Variants in RASL11B observed in about 807,000 individuals in gnomAD.
RASL11B encodes ras-like protein family member 11B.
Under a neutral mutation model 22.9 loss-of-function variants are expected in RASL11B, and 14 were observed. The ratio of observed to expected loss-of-function variants is 0.61; its 90% CI spans 0.40 to 0.96. The LOEUF (loss-of-function observed/expected upper bound fraction) is 0.96, where lower values mean the gene tolerates loss of function less well. RASL11B is among the 40% of genes least tolerant of loss of function. The probability of loss-of-function intolerance (pLI) is 0.00; values close to 1 mark genes in which losing one functional copy is unlikely to be tolerated. For synonymous variants in RASL11B, 143 were observed against 130.2 expected (o/e 1.10, Z -0.67); for missense variants, 261 against 322.0 (o/e 0.81, Z 1.45).
chr4:52,862,615 C>A lies in RASL11B; in HGVS notation c.108C>A (p.Ile36=), dbSNP rs754475921. The A allele has an allele frequency of 6.9e-5, 110 of 1,591,356 alleles. No individual in the cohort carries two copies. Among genetic ancestry groups the A allele is most frequent in the Non-Finnish European group, 8.7e-5 (102 of 1,174,262 alleles). ...VGAAGRRLVK[I]AVVGASGVGK... is the part of the protein sequence containing the mutation. The stretch of plus-strand genomic sequence containing the variant: ...CCGCCGGCCGCCGCCTGGTCAAGAT[C>A]GCCGTGGTGGGCGCCAGCGGCGTGG... The change falls in exon 1 of 4, where the codon ATC becomes ATA. Residue 36 remains isoleucine, a synonymous_variant. Coordinates refer to ENST00000248706, the MANE Select transcript of RASL11B (RefSeq NM_023940.3).
intron 2 of RASL11B, 72 bp from the exon 3 acceptor site, chr4:52,864,406 A>G (rs1378679416): frequency 1.0e-6 from 1 of 955,598 alleles, no homozygotes; most frequent in African/African-American, 1.6e-5. Context: ...TTTTTTTTCT[A>G]GCTTAAAACT....
Position 52,866,000 on chromosome 4 carries a change from GA to G in RASL11B, c.*198del, listed in dbSNP as rs1718252807. On this transcript the variant is annotated 3_prime_UTR_variant, in exon 4 of 4. Coordinates refer to ENST00000248706, the MANE Select transcript of RASL11B (RefSeq NM_023940.3). ...CAGGGGGACAGGATTGATGAGGCTTGAAAGAGCCCACTGAGCCACTCTCTGA... is the reference window on the plus strand; with the variant it reads ...CAGGGGGACAGGATTGATGAGGCTTGAAGAGCCCACTGAGCCACTCTCTGA... The G allele has an allele frequency of 1.7e-6, 1 of 593,036 alleles. No individual in the cohort carries two copies. Among genetic ancestry groups the G allele is most frequent in the African/African-American group, 1.9e-5 (1 of 53,764 alleles). The allele number at this position is 593,036 out of a possible 1,614,324, so 36.7% of individuals were successfully genotyped here.
At chr4:52,864,920 T>G (rs1718229339) in intron 3 of RASL11B, among the ~76,000 whole-genome samples, 1 of 152,226 alleles carries the variant, frequency 6.6e-6, no homozygotes, top group Non-Finnish European at 1.5e-5. Flanking sequence ...TGGAATCGCT[T>G]TTGTACTGGA....
In RASL11B at chr4:52,866,556, A is replaced by G. The variant is rs559598653; in HGVS notation, c.*751A>G. ...CTTCAACCCCAGACTTTGACTGTAT[A>G]GTTTTTTGTTTTTTTAACTGTTCCA... On this transcript the variant is annotated 3_prime_UTR_variant, in exon 4 of 4. Coordinates refer to ENST00000248706, the MANE Select transcript of RASL11B (RefSeq NM_023940.3). 1 of 152,574 alleles carries G rather than the reference A, an allele frequency of 6.6e-6. No individual in the cohort carries two copies. Among genetic ancestry groups the G allele is most frequent in the South Asian group, 2.1e-4 (1 of 4,822 alleles). 9.5% of individuals were successfully genotyped at this position (152,574 alleles called of 1,614,324 possible). A position where few individuals can be genotyped will look rare whatever the true frequency, so the allele number is the denominator to read the frequency against.
chr4:52,864,419 C>CA (rs1251594493), intron 2 of RASL11B, 59 bp from the exon 3 acceptor site: 2 of 1,093,182 alleles, frequency 1.8e-6, no homozygotes, highest in East Asian at 2.4e-5. Context: ...TTAAAACTCA[C>CA]AATGTTTTAA....
At chr4:52,863,580 G>T in intron 2 of RASL11B, 1 of 479,118 alleles carries the variant, frequency 2.1e-6, no homozygotes, top group Non-Finnish European at 3.8e-6. Flanking sequence ...TAACTATAGT[G>T]ACCCCAGTTG....
chr4:52,862,362 C>A lies in RASL11B; in HGVS notation c.-146C>A, dbSNP rs981058243. The A allele has an allele frequency of 3.0e-6, 2 of 667,674 alleles. No homozygotes were observed. Among genetic ancestry groups the A allele is most frequent in the Admixed American group, 7.6e-5 (2 of 26,270 alleles). The allele number at this position is 667,674 out of a possible 1,614,324, so 41.4% of individuals were successfully genotyped here. A position where few individuals can be genotyped will look rare whatever the true frequency, so the allele number is the denominator to read the frequency against. Reference sequence around the variant, plus strand: ...GCCCTGCGGAACCTCGGCGCTCGGCCCCACCCCGCCCGTACCTGCACTTAT... The same window carrying A: ...GCCCTGCGGAACCTCGGCGCTCGGCACCACCCCGCCCGTACCTGCACTTAT... On this transcript the variant is annotated 5_prime_UTR_variant, in exon 1 of 4. Transcript: ENST00000248706.
Position 52,864,519 on chromosome 4 carries a change from C to T in RASL11B, c.241C>T (p.Leu81=), listed in dbSNP as rs1374836391. Residue 81 remains leucine, a synonymous_variant, in exon 3 of 4, where the codon CTG becomes TTG. Transcript: ENST00000248706. The stretch of plus-strand genomic sequence containing the variant: ...ACAAGTTCAGATAGAAGGTGAAACC[C>T]TGGCTCTTCAGGTTCAAGACACTCC... ...TRQVQIEGET[L]ALQVQDTPGI... is the part of the protein sequence containing the mutation. 6.2e-7 allele frequency: 1 copy of T among 1,611,512 alleles called. No individual in the cohort carries two copies. Among genetic ancestry groups the T allele is most frequent in the Non-Finnish European group, 8.5e-7 (1 of 1,177,674 alleles).
At chr4:52,864,415 C>T (rs1418703901) in intron 2 of RASL11B, 63 bp from the exon 3 acceptor site, 2 of 1,063,584 alleles carry the variant, frequency 1.9e-6, no homozygotes, top group Admixed American at 3.6e-5. Flanking sequence ...TAGCTTAAAA[C>T]TCACAATGTT....
chr4:52,864,772 A>T (rs1416411073), intron 3 of RASL11B, among the ~76,000 whole-genome samples: 2 of 152,208 alleles, frequency 1.3e-5, no homozygotes, highest in African/African-American at 2.4e-5. Flanking sequence ...TTCCTTTAGA[A>T]GGATTCAACA....
chr4:52,863,450 T>C, intron 2 of RASL11B, 126 bp downstream of exon 2: 3 of 764,162 alleles, frequency 3.9e-6, no homozygotes, highest in Non-Finnish European at 6.7e-6. Flanking sequence ...CACTTAAAAC[T>C]TTCCCCAGTC....
rs1300236311 is a variant in RASL11B, at chr4:52,865,788, A to G, written c.730A>G (p.Thr244Ala). The part of the protein sequence containing the change: ...FKQALSAKVR[T>A]VTSV The stretch of plus-strand genomic sequence containing the variant: ...GCAAGCCCTCTCTGCCAAAGTGAGG[A>G]CTGTCACCTCCGTCTGAAGCAGGAG... The change falls in exon 4 of 4, where the codon ACT (threonine) becomes GCT (alanine). Residue 244 changes from threonine (T) to alanine (A), a missense_variant. Physicochemically the swap from Thr to Ala is moderately conservative, Grantham distance 58 (BLOSUM62 0). Coordinates refer to ENST00000248706, the MANE Select transcript of RASL11B (RefSeq NM_023940.3). 1 of 1,613,294 alleles carries G rather than the reference A, an allele frequency of 6.2e-7. No individual in the cohort carries two copies. The highest frequency in any genetic ancestry group is 1.3e-5 in the African/African-American group (1 of 74,890).
chr4:52,863,243 T>C (rs751136772), intron 1 of RASL11B, 25 bp from the exon 2 acceptor site: 3 of 1,608,882 alleles, frequency 1.9e-6, no homozygotes, highest in East Asian at 2.2e-5. Context: ...GTTAACACTT[T>C]GACGTTCTTT....
Position 52,866,355 on chromosome 4 carries a change from T to G in RASL11B, c.*550T>G, listed in dbSNP as rs1353909399. On this transcript the variant is annotated 3_prime_UTR_variant, in exon 4 of 4. Coordinates refer to ENST00000248706, the MANE Select transcript of RASL11B (RefSeq NM_023940.3). ...CTGAAGGATACCCAGATTTCTTTCTTTATGTACAAGATGGAAAATCCCCTA... is the reference window on the plus strand; with the variant it reads ...CTGAAGGATACCCAGATTTCTTTCTGTATGTACAAGATGGAAAATCCCCTA... 1 of 153,960 alleles carries G rather than the reference T, an allele frequency of 6.5e-6. No individual in the cohort carries two copies. The allele number at this position is 153,960 out of a possible 1,614,324, so 9.5% of individuals were successfully genotyped here. A position where few individuals can be genotyped will look rare whatever the true frequency, so the allele number is the denominator to read the frequency against.
chr4:52,865,820 T>C lies in RASL11B; in HGVS notation c.*15T>C, dbSNP rs1459197469. 11 of 1,598,798 alleles carry C rather than the reference T, an allele frequency of 6.9e-6. No individual in the cohort carries two copies. Among genetic ancestry groups the C allele is most frequent in the Admixed American group, 6.7e-5 (4 of 59,668 alleles). ...CCTCCGTCTGAAGCAGGAGGAGCAC[T>C]CAAGGGGGTTTGGTCTTCCCAGGAA... On this transcript the variant is annotated 3_prime_UTR_variant, in exon 4 of 4. Transcript: ENST00000248706.
rs1360919560 is a variant in RASL11B at position 52,864,551 on chromosome 4, TC to T, written c.274del (p.Gln92ArgfsTer7). 3 of 1,602,166 alleles carry T rather than the reference TC, an allele frequency of 1.9e-6. No individual in the cohort carries two copies. The highest frequency in any genetic ancestry group is 2.6e-6 in the Non-Finnish European group (3 of 1,169,066). On this transcript the variant is annotated frameshift_variant and splice_region_variant, in exon 3 of 4. Transcript: ENST00000248706. LOFTEE classifies it high-confidence loss of function. ...ALQVQDTPGIQVHENSLSCSE... is the reference protein window; with the variant it reads ...ALQVQDTPGIXVHENSLSCSE... ...TTCAGGTTCAAGACACTCCAGGTAT[TC>T]AGGTGAGAAGCTCTGAGACTCTGGG...
Position 52,866,821 on chromosome 4 carries a change from C to G in RASL11B, c.*1016C>G, listed in dbSNP as rs540967230. On this transcript the variant is annotated 3_prime_UTR_variant, in exon 4 of 4. Transcript: ENST00000248706. Reference sequence around the variant, plus strand: ...TTAATTTATTTTATGTACAATAAATCGCATTTGAAAAAGAGCAGATGTCTA... The same window carrying G: ...TTAATTTATTTTATGTACAATAAATGGCATTTGAAAAAGAGCAGATGTCTA... The G allele has an allele frequency of 5.2e-5, 8 of 152,612 alleles. No homozygotes were observed. Among genetic ancestry groups the G allele is most frequent in the Non-Finnish European group, 1.0e-4 (7 of 68,046 alleles). 9.5% of individuals were successfully genotyped at this position (152,612 alleles called of 1,614,324 possible).
Position 52,862,554 on chromosome 4 carries a change from C to T in RASL11B, c.47C>T (p.Pro16Leu). 1.2e-6 allele frequency: 2 copies of T among 1,605,408 alleles called. No individual in the cohort carries two copies. The highest frequency in any genetic ancestry group is 1.7e-6 in the Non-Finnish European group (2 of 1,177,352). The change falls in exon 1 of 4, where the codon CCG becomes CTG. Residue 16 changes from proline (P) to leucine (L), a missense_variant. Pro to Leu is a moderately conservative substitution (Grantham distance 98). Coordinates refer to ENST00000248706, the MANE Select transcript of RASL11B (RefSeq NM_023940.3). ...NMCTIAEYPA[P>L]GNAAASDCCV... ...TGCACCATCGCCGAGTACCCCGCGC[C>T]GGGCAACGCCGCGGCCTCCGACTGC...
chr4:52,862,532 A>G lies in RASL11B; in HGVS notation c.25A>G (p.Thr9Ala). Residue 9 changes from threonine to alanine, a missense_variant, in exon 1 of 4, where the codon ACC becomes GCC. Physicochemically the swap from Thr to Ala is moderately conservative, Grantham distance 58. Coordinates refer to ENST00000248706, the MANE Select transcript of RASL11B (RefSeq NM_023940.3). MRLIQNMC[T>A]IAEYPAPGNA... ...GATGCGCCTCATTCAGAACATGTGC[A>G]CCATCGCCGAGTACCCCGCGCCGGG... 6.2e-7 allele frequency: 1 copy of G among 1,606,594 alleles called. No homozygotes were observed. Among genetic ancestry groups the G allele is most frequent in the South Asian group, 1.1e-5 (1 of 90,658 alleles).
Sources: gnomAD v4.1 joint callset for allele counts (sites outside exome capture counted in the v4.1 genomes callset) on GRCh38, gnomAD v4.1.1 for gene constraint, MANE v1.5 for transcripts, NCBI Gene and HGNC (gene_info 2026-07-23, HGNC 2026-07-21) for gene names.